Variants in VPS53 observed in about 807,000 individuals in gnomAD.
VPS53 encodes VPS53 subunit of GARP complex, also known as vacuolar protein sorting-associated protein 53 homolog.
A neutral mutation model predicts 107.0 loss-of-function variants in VPS53; 70 were observed. That is an observed-to-expected ratio of 0.65 (90% CI 0.54 to 0.80). VPS53 has a LOEUF of 0.80. VPS53 is among the 30% of genes least tolerant of loss of function. VPS53 has a pLI of 0.00. For synonymous variants in VPS53, 409 were observed against 393.3 expected (o/e 1.04, Z -0.47); for missense variants, 917 against 1,049.4 (o/e 0.87, Z 1.74).
In VPS53 at chr17:521,720, A is replaced by T; in HGVS notation, c.2104T>A (p.Ser702Thr). 1.3e-6 allele frequency: 2 copies of T among 1,546,748 alleles called. No homozygotes were observed. The highest frequency in any genetic ancestry group is 1.7e-6 in the Non-Finnish European group (2 of 1,143,454). ...AGATCGAGCAGGACCATCTTCAGCG[A>T]GTGGGTGTCCAGCAGCAGCTGTGGA... The part of the protein sequence containing the change: ...GAEQLLLDTH[S>T]LKMVLLDLPS... Residue 702 changes from serine to threonine, a missense_variant, in exon 20 of 22, where the codon TCG (serine) becomes ACG (threonine). Transcript: ENST00000437048.
intron 11 of VPS53, among the ~76,000 whole-genome samples, chr17:618,449 C>T (rs1452360070): frequency 2.7e-5 from 4 of 147,272 alleles, no homozygotes; most frequent in Non-Finnish European, 6.0e-5. Flanking sequence ...GACAGGCGTG[C>T]GCCACTACGC....
chr17:539,323 T>C (rs1277271587), intron 17 of VPS53: 1 of 152,198 alleles, frequency 6.6e-6, no homozygotes, highest in Non-Finnish European at 1.5e-5. Context: ...GTCACCGAAC[T>C]CCTCTTGATG....
intron 13 of VPS53, among the ~76,000 whole-genome samples, chr17:566,234 C>G (rs1388585397): frequency 1.3e-5 from 2 of 151,078 alleles, no homozygotes; most frequent in Non-Finnish European, 1.5e-5. Context: ...AAAGAAATAA[C>G]CTATCTTCTC....
chr17:633,191 G>A (rs1485206953), intron 7 of VPS53, among the ~76,000 whole-genome samples: 1 of 152,082 alleles, frequency 6.6e-6, no homozygotes, highest in Non-Finnish European at 1.5e-5. Flanking sequence ...AATGGATCAG[G>A]CCCCGCAATC....
chr17:646,851 C>T (rs1970733934), intron 7 of VPS53, among the ~76,000 whole-genome samples: 1 of 145,302 alleles, frequency 6.9e-6, no homozygotes, highest in African/African-American at 2.5e-5. Flanking sequence ...TTTTCTAATC[C>T]ATATCACGGA....
Position 521,656 on chromosome 17 carries a change from G to A in VPS53, c.2168C>T (p.Ala723Val). 6.4e-7 allele frequency: 1 copy of A among 1,551,352 alleles called. No individual in the cohort carries two copies. The highest frequency in any genetic ancestry group is 1.4e-5 in the African/African-American group (1 of 73,122). ...ISSQVVRKAP[A>V]SYTKIVVKGM... ...TTTGACAACGATCTTGGTGTAGCTG[G>A]CGGGTGCCTTCCTCACCACCTGCGA... Residue 723 changes from alanine (A) to valine (V), a missense_variant, in exon 20 of 22, where the codon GCC becomes GTC. Physicochemically the swap from Ala to Val is moderately conservative, Grantham distance 64 (BLOSUM62 0). Transcript: ENST00000437048.
intron 11 of VPS53, among the ~76,000 whole-genome samples, chr17:605,869 G>A (rs1394237260): frequency 6.6e-6 from 1 of 152,110 alleles, no homozygotes; most frequent in Non-Finnish European, 1.5e-5. Flanking sequence ...GCCATGGTAA[G>A]GGTCGGTTTT....
intron 12 of VPS53, 132 bp downstream of exon 12, chr17:601,663 T>G (rs1968330791): frequency 1.6e-6 from 1 of 637,240 alleles, no homozygotes; most frequent in South Asian, 2.5e-5. Context: ...GATAAAGGCC[T>G]TCTGTAAAGA....
intron 13 of VPS53, among the ~76,000 whole-genome samples, chr17:570,963 A>G (rs1913985283): frequency 6.6e-6 from 1 of 152,158 alleles, no homozygotes; most frequent in African/African-American, 2.4e-5. Context: ...TAAGAAATAT[A>G]TATTGAAGTA....
intron 2 of VPS53, among the ~76,000 whole-genome samples, chr17:709,273 A>T (rs1282540266): frequency 6.6e-6 from 1 of 151,774 alleles, no homozygotes; most frequent in East Asian, 1.9e-4. Context: ...ATGTTTGATC[A>T]TCTCTAGTGT....
At chr17:621,093 T>G (rs1247148770) in intron 11 of VPS53, among the ~76,000 whole-genome samples, 1 of 152,224 alleles carries the variant, frequency 6.6e-6, no homozygotes, top group Non-Finnish European at 1.5e-5. Context: ...CTTGCTTCTC[T>G]ACCTACTCTC....
intron 13 of VPS53, among the ~76,000 whole-genome samples, chr17:582,044 G>A (rs931088030): frequency 4.7e-5 from 7 of 150,300 alleles, no homozygotes; most frequent in Non-Finnish European, 8.9e-5. Context: ...CATTCCCAGA[G>A]AACCTCCCTC....
At position 714,813 on chromosome 17, in the gene VPS53, G is replaced by C. The variant is rs1597527430; in HGVS notation, c.-104C>G. The C allele has an allele frequency of 7.6e-7, 1 of 1,314,524 alleles. No homozygotes were observed. Among genetic ancestry groups the C allele is most frequent in the African/African-American group, 1.5e-5 (1 of 68,930 alleles). The allele number at this position is 1,314,524 out of a possible 1,614,324, so 81.4% of individuals were successfully genotyped here. ...AACTCCCTCGCGGCAGCGACCTGGT[G>C]AGCCCGGCTCCGTCAGCCGCTCTGT... is the stretch of plus-strand genomic sequence containing the variant. On this transcript the variant is annotated 5_prime_UTR_variant, in exon 1 of 22. Transcript: ENST00000437048.
chr17:573,646 TCTC>T (rs940083596), intron 13 of VPS53, among the ~76,000 whole-genome samples: 2 of 152,196 alleles, frequency 1.3e-5, no homozygotes, highest in African/African-American at 2.4e-5. Context: ...TGCCACCTCT[TCTC>T]CTCCTCGCCA....
chr17:632,569 A>G (rs1378373836), intron 7 of VPS53, among the ~76,000 whole-genome samples: 2 of 152,100 alleles, frequency 1.3e-5, no homozygotes, highest in Admixed American at 6.6e-5. Flanking sequence ...TAAATTATTA[A>G]CCGTAGTCAC....
intron 15 of VPS53, 90 bp from the exon 16 acceptor site, chr17:553,552 G>T: frequency 1.8e-5 from 16 of 882,530 alleles, no homozygotes; most frequent in Non-Finnish European, 2.8e-5. Flanking sequence ...TGCGTTTGAT[G>T]ATTCAGGCAT....
intron 19 of VPS53, among the ~76,000 whole-genome samples, chr17:530,008 C>G (rs997879581): frequency 1.3e-5 from 2 of 151,902 alleles, no homozygotes; most frequent in African/African-American, 4.8e-5. Flanking sequence ...TGTACTCACT[C>G]CAGCCTGGGC....
At chr17:666,509 C>T (rs1971694983) in intron 4 of VPS53, among the ~76,000 whole-genome samples, 1 of 152,076 alleles carries the variant, frequency 6.6e-6, no homozygotes, top group Admixed American at 6.5e-5. Flanking sequence ...ACTCAAAATA[C>T]AAAAATTAGC....
In VPS53 at chr17:536,992, A is replaced by G. The variant is rs1407217791; in HGVS notation, c.2015+36T>C. ...TAAAACATAAAGTCTATTAAAAAGA[A>G]CAAGAACCCAGAGATGAGCACGCCC... On this transcript the variant is annotated intron_variant, in intron 18 of 21. Transcript: ENST00000437048. 3 of 1,610,118 alleles carry G rather than the reference A, an allele frequency of 1.9e-6. No individual in the cohort carries two copies. In the African/African-American group the frequency reaches 4.0e-5, roughly 22 times the overall value.
Sources: gnomAD v4.1 joint callset for allele counts (sites outside exome capture counted in the v4.1 genomes callset) on GRCh38, gnomAD v4.1.1 for gene constraint, MANE v1.5 for transcripts, NCBI Gene and HGNC (gene_info 2026-07-23, HGNC 2026-07-21) for gene names.